The following RNF207 variants were observed in gnomAD, a reference collection of about 807,000 sequenced individuals.
RNF207 encodes the protein OTTHUMG00000001089.
In RNF207, 72 loss-of-function variants were observed where a neutral mutation model predicts 79.0. The observed-to-expected ratio is 0.91, with a 90% CI of 0.75 to 1.11. The LOEUF (loss-of-function observed/expected upper bound fraction) is 1.11, where lower values mean the gene tolerates loss of function less well. Among genes scored for constraint, RNF207 ranks in the 50% least tolerant of loss-of-function variants. The pLI is 0.00. For missense variants in RNF207, 936 were observed against 855.8 expected, an observed-to-expected ratio of 1.09 and a Z score of -1.17; for synonymous variants, 348 against 366.2, an observed-to-expected ratio of 0.95 and a Z score of 0.57.
In RNF207 at chr1:6,209,149, C is replaced by A. The variant is rs1476813713; in HGVS notation, c.504C>A (p.Thr168=). The A allele has an allele frequency of 6.4e-7, 1 of 1,558,142 alleles. No homozygotes were observed. Among genetic ancestry groups the A allele is most frequent in the South Asian group, 1.2e-5 (1 of 84,922 alleles). Residue 168 remains threonine (T), a synonymous_variant, in exon 5 of 18, where the codon ACC becomes ACA. Transcript: ENST00000377939. The stretch of plus-strand genomic sequence containing the variant: ...CAGAGCCCTACCTCTTGTTCTCCAC[C>A]GACAAGAAGTTGCTGTTGTGCATCC... The part of the protein sequence containing the change: ...LHAEPYLLFS[T]DKKLLLCIRC...
At chr1:6,213,917 C>T (rs1668271223) in intron 16 of RNF207, among the ~76,000 whole-genome samples, 1 of 152,164 alleles carries the variant, frequency 6.6e-6, no homozygotes, top group South Asian at 2.1e-4. Context: ...ACTGGTTGCC[C>T]TGTAGGTCTA....
chr1:6,207,344 G>C lies in RNF207; in HGVS notation c.192-35G>C, dbSNP rs764274636. On this transcript the variant is annotated intron_variant, in intron 2 of 17. Coordinates refer to ENST00000377939, the MANE Select transcript of RNF207 (RefSeq NM_207396.3). This position sits in a 1 kb window ranked among gnomAD's most constrained non-coding sequence, Gnocchi z 4.5. ...TGGGGGTGGGGAGCCCTGGGGAAGG[G>C]GTATCAGAATCTCGGGGCCTGGGCT... is the stretch of plus-strand genomic sequence containing the variant. 1,355 of 1,501,546 alleles carry C rather than the reference G, an allele frequency of 9.0e-4. 15 individuals carry two copies. Among genetic ancestry groups the C allele is most frequent in the Non-Finnish European group, 1.0e-4 (115 of 1,125,842 alleles). 93.0% of individuals were successfully genotyped at this position (1,501,546 alleles called of 1,614,324 possible). A position where few individuals can be genotyped will look rare whatever the true frequency, so the allele number is the denominator to read the frequency against.
chr1:6,217,190 T>C lies in RNF207; in HGVS notation c.1653-1099T>C, dbSNP rs377216722. Among the ~76,000 whole-genome samples the C allele has an allele frequency of 3.9e-5, 6 of 152,174 alleles. No homozygotes were observed. The highest frequency in any genetic ancestry group is 8.8e-5 in the Non-Finnish European group (6 of 68,030). On this transcript the variant is annotated intron_variant, in intron 16 of 17. Transcript: ENST00000377939. This position sits in a 1 kb window ranked among gnomAD's most constrained non-coding sequence, Gnocchi z 4.2. Reference sequence around the variant, plus strand: ...ATGTTAGTCTTCAGTACACCTTCTCTTTGCTGACAGCCCCGCGCTCCCATG... The same window carrying C: ...ATGTTAGTCTTCAGTACACCTTCTCCTTGCTGACAGCCCCGCGCTCCCATG...
chr1:6,219,368 TG>T lies in RNF207; in HGVS notation c.1871del (p.Gly624AlafsTer23). On this transcript the variant is annotated frameshift_variant, in exon 18 of 18. Coordinates refer to ENST00000377939, the MANE Select transcript of RNF207 (RefSeq NM_207396.3). LOFTEE classifies it low-confidence loss of function (END_TRUNC). ...ATCATCACAGATCCAAACAGAAAAA[TG>T]GGGGCGATGTCCCCACATGGAGGGA... ...MDHHRSKQKNGGDVPTWREHP... is the reference protein window; with the variant it reads ...MDHHRSKQKNXGDVPTWREHP... 6.2e-7 allele frequency: 1 copy of T among 1,610,486 alleles called. No homozygotes were observed. Among genetic ancestry groups the T allele is most frequent in the Admixed American group, 1.7e-5 (1 of 59,742 alleles).
In RNF207 at chr1:6,209,907, C is replaced by A. The variant is rs1221267984; in HGVS notation, c.754-17C>A. On this transcript the variant is annotated splice_polypyrimidine_tract_variant and intron_variant, in intron 7 of 17. Coordinates refer to ENST00000377939, the MANE Select transcript of RNF207 (RefSeq NM_207396.3). ...GGCTGGGGCGCAAATCAAGAGCATG[C>A]TCGCCATCTCTCCCAGGACAGGCTG... 2.5e-6 allele frequency: 4 copies of A among 1,572,446 alleles called. No homozygotes were observed. Among genetic ancestry groups the A allele is most frequent in the Non-Finnish European group, 2.6e-6 (3 of 1,160,972 alleles).
Position 6,209,535 on chromosome 1 carries a change from T to A in RNF207, c.749T>A (p.Met250Lys). 1 of 1,461,250 alleles carries A rather than the reference T, an allele frequency of 6.8e-7. No individual in the cohort carries two copies. The highest frequency in any genetic ancestry group is 9.0e-7 in the Non-Finnish European group (1 of 1,114,652). 90.5% of individuals were successfully genotyped at this position (1,461,250 alleles called of 1,614,324 possible). The change falls in exon 7 of 18, where the codon ATG (methionine) becomes AAG (lysine). Residue 250 changes from methionine (M) to lysine (K), a missense_variant. Physicochemically the swap from Met to Lys is moderately conservative, Grantham distance 95. Transcript: ENST00000377939. ...EDAIHALFGS[M>K]QDRLAERKAL... ...GCTATCCACGCCCTCTTCGGCAGCA[T>A]GCAGGTGAGGGGTGGGGGTTGGGGG... is the stretch of plus-strand genomic sequence containing the variant.
intron 16 of RNF207, among the ~76,000 whole-genome samples, chr1:6,216,191 C>A (rs1668354645): frequency 6.6e-6 from 1 of 152,154 alleles, no homozygotes; most frequent in Non-Finnish European, 1.5e-5. Context: ...TGGCAGGGAT[C>A]TTGGCAGTCA....
intron 10 of RNF207, 156 bp from the exon 11 acceptor site, chr1:6,210,714 T>A (rs1484392931): frequency 2.8e-6 from 2 of 720,178 alleles, no homozygotes; most frequent in African/African-American, 3.5e-5. Flanking sequence ...GGGGATGGGA[T>A]GGGGGTTTGT....
In RNF207 at chr1:6,210,214, C is replaced by A; in HGVS notation, c.801-9C>A. On this transcript the variant is annotated splice_polypyrimidine_tract_variant and intron_variant, in intron 8 of 17. Transcript: ENST00000377939. ...GCCCCCTGGAAACCAGGCAGCCCCCCTCCCCCAGCCAATACGAAGAGAAGG... is the reference window on the plus strand; with the variant it reads ...GCCCCCTGGAAACCAGGCAGCCCCCATCCCCCAGCCAATACGAAGAGAAGG... 1 of 1,612,070 alleles carries A rather than the reference C, an allele frequency of 6.2e-7. No homozygotes were observed. The highest frequency in any genetic ancestry group is 8.5e-7 in the Non-Finnish European group (1 of 1,178,868).
At chr1:6,209,586 G>A (rs1239156209) in intron 7 of RNF207, 47 bp downstream of exon 7, 3 of 1,425,950 alleles carry the variant, frequency 2.1e-6, no homozygotes, top group Non-Finnish European at 2.7e-6. Context: ...GGGACCTGGT[G>A]ACACAGGGCT....
rs1478583146 is a variant in RNF207, at chr1:6,217,226, C to T, written c.1653-1063C>T. On this transcript the variant is annotated intron_variant, in intron 16 of 17. Transcript: ENST00000377939. This position sits in a 1 kb window ranked among gnomAD's most constrained non-coding sequence, Gnocchi z 4.2. ...CCCCGCGCTCCCATGCTCCTGCCAG[C>T]CTCTCCAGCCGTTCCTTCCTGGTCT... is the stretch of plus-strand genomic sequence containing the variant. Among the ~76,000 whole-genome samples, 1 of 152,186 alleles carries T rather than the reference C, an allele frequency of 6.6e-6. No homozygotes were observed. Among genetic ancestry groups the T allele is most frequent in the African/African-American group, 2.4e-5 (1 of 41,448 alleles).
At chr1:6,218,396 T>C (rs763814419) in intron 17 of RNF207, 27 bp downstream of exon 17, 4 of 1,527,404 alleles carry the variant, frequency 2.6e-6, no homozygotes, top group Non-Finnish European at 9.1e-7. Flanking sequence ...CACTGGAGAG[T>C]GTGCACGCGA....
rs541743211 is a variant in RNF207 at position 6,208,553 on chromosome 1, C to T, written c.325-328C>T. ...AGCTCCTGACCTCAGGTGATCCGCC[C>T]GCCTCGGCCTCCCAAATTGTTGGGA... On this transcript the variant is annotated intron_variant, in intron 3 of 17. Coordinates refer to ENST00000377939, the MANE Select transcript of RNF207 (RefSeq NM_207396.3). 6.9e-4 allele frequency: 210 copies of T among 306,550 alleles called. 4 individuals carry two copies. The South Asian group carries it at 8.4e-3, about 12-fold the overall frequency. 19.0% of individuals were successfully genotyped at this position (306,550 alleles called of 1,614,324 possible). A position where few individuals can be genotyped will look rare whatever the true frequency, so the allele number is the denominator to read the frequency against.
chr1:6,215,007 C>G (rs1668313652), intron 16 of RNF207, among the ~76,000 whole-genome samples: 1 of 150,434 alleles, frequency 6.6e-6, no homozygotes, highest in African/African-American at 2.4e-5. Context: ...GGCTGGCCCT[C>G]TAATGTACCT....
chr1:6,213,576 C>A (rs891182768), intron 16 of RNF207, among the ~76,000 whole-genome samples: 1 of 151,632 alleles, frequency 6.6e-6, no homozygotes. Flanking sequence ...GGTATCTGGG[C>A]GGACAAGGTG....
Position 6,209,097 on chromosome 1 carries a change from C to A in RNF207, c.470-18C>A. The A allele has an allele frequency of 6.5e-7, 1 of 1,549,444 alleles. No individual in the cohort carries two copies. The highest frequency in any genetic ancestry group is 8.7e-7 in the Non-Finnish European group (1 of 1,146,926). ...GGGCACTGACCGGAGCCCTCACCAC[C>A]GCCCGCCGCCCCCGCAGCGCTGCAC... On this transcript the variant is annotated intron_variant, in intron 4 of 17. Coordinates refer to ENST00000377939, the MANE Select transcript of RNF207 (RefSeq NM_207396.3).
Position 6,211,428 on chromosome 1 carries a change from G to C in RNF207, c.1109+310G>C, listed in dbSNP as rs1668163125. 6.6e-6 allele frequency among the ~76,000 whole-genome samples: 1 copy of C among 152,154 alleles called. No homozygotes were observed. Among genetic ancestry groups the C allele is most frequent in the African/African-American group, 2.4e-5 (1 of 41,448 alleles). On this transcript the variant is annotated intron_variant, in intron 12 of 17. Transcript: ENST00000377939. This position sits in a 1 kb window ranked among gnomAD's most constrained non-coding sequence, Gnocchi z 4.2. ...GCCTCCCCTGGGGTGGGGCGCCTGG[G>C]GCTGGGCTGACCGCCACCTAGGTGG...
At position 6,208,670 on chromosome 1, in the gene RNF207, G is replaced by A. The variant is rs1266696068; in HGVS notation, c.325-211G>A. ...CCCGCGTCCCCCACCCCCCTCCACG[G>A]ACCTACTTACCCAGCCTCTGAGCCG... On this transcript the variant is annotated intron_variant, in intron 3 of 17. Transcript: ENST00000377939. 6 of 552,934 alleles carry A rather than the reference G, an allele frequency of 1.1e-5. No homozygotes were observed. In the Admixed American group the frequency reaches 1.5e-4, roughly 14 times the overall value. The allele number at this position is 552,934 out of a possible 1,614,324, so 34.3% of individuals were successfully genotyped here.
Position 6,219,497 on chromosome 1 carries a change from T to A in RNF207, c.*90T>A, listed in dbSNP as rs1173716408. ...AGGTTGTTCCCATGATGGTTTTTTT[T>A]ATTTTTTATTTTTGAGATGGAGTTT... On this transcript the variant is annotated 3_prime_UTR_variant, in exon 18 of 18. Transcript: ENST00000377939. 1 of 985,824 alleles carries A rather than the reference T, an allele frequency of 1.0e-6. No individual in the cohort carries two copies. Among genetic ancestry groups the A allele is most frequent in the Non-Finnish European group, 1.4e-6 (1 of 693,146 alleles). The allele number at this position is 985,824 out of a possible 1,614,324, so 61.1% of individuals were successfully genotyped here.
Sources: allele counts gnomAD v4.1 joint callset (sites outside exome capture counted in the v4.1 genomes callset), GRCh38; gene constraint gnomAD v4.1.1; non-coding constraint Gnocchi (gnomAD v3.1); transcripts MANE v1.5; gene names NCBI Gene and HGNC (gene_info 2026-07-23, HGNC 2026-07-21).